RIPOR3: variants seen among roughly 807,000 people sequenced by gnomAD.
RIPOR3 encodes the protein family with sequence similarity 65 member C.
RIPOR3 carries 95 observed loss-of-function variants against 114.3 expected under a neutral mutation model. The ratio of observed to expected loss-of-function variants is 0.83; its 90% confidence interval spans 0.70 to 0.99. RIPOR3 has a LOEUF of 0.99. RIPOR3 is among the 50% of genes least tolerant of loss of function. The pLI is 0.00. For missense variants in RIPOR3, 1,252 were observed against 1,266.9 expected (o/e 0.99, Z 0.18); for synonymous variants, 575 against 543.8 (o/e 1.06, Z -0.80).
chr20:50,631,715 C>A (rs1221485267), intron 1 of RIPOR3, among the ~76,000 whole-genome samples: 4 of 152,210 alleles, frequency 2.6e-5, no homozygotes, highest in African/African-American at 9.6e-5. Flanking sequence ...TCCGACCCGC[C>A]CTGCAATGGG....
At chr20:50,644,161 A>C (rs1227383267) in intron 1 of RIPOR3, among the ~76,000 whole-genome samples, 1 of 152,020 alleles carries the variant, frequency 6.6e-6, no homozygotes, top group Non-Finnish European at 1.5e-5. Flanking sequence ...AATGTCCCTT[A>C]GTTTGTCACT....
intron 3 of RIPOR3, among the ~76,000 whole-genome samples, chr20:50,619,721 T>C (rs2084326527): frequency 6.6e-6 from 1 of 152,216 alleles, no homozygotes; most frequent in Non-Finnish European, 1.5e-5. Flanking sequence ...GCTTCTTGAT[T>C]GATTGCATTG....
rs561100404 is a variant in RIPOR3, at chr20:50,663,043, G to A, written c.3+28083C>T. On this transcript the variant is annotated intron_variant, in intron 1 of 21. Transcript: ENST00000327979. ...ACCGGGGAGGTGGAGGTTGCAGTGG[G>A]CCAAGATCTCACCACTGTACTCCAG... Among the ~76,000 whole-genome samples, 4 of 149,294 alleles carry A rather than the reference G, an allele frequency of 2.7e-5. No homozygotes were observed. The South Asian group carries it at 8.5e-4, about 32-fold the overall frequency.
chr20:50,635,229 G>A (rs1007090875), intron 1 of RIPOR3, among the ~76,000 whole-genome samples: 2 of 152,186 alleles, frequency 1.3e-5, no homozygotes, highest in Non-Finnish European at 2.9e-5. Flanking sequence ...AGGATGATGG[G>A]TGGCCCTGCC....
chr20:50,597,767 G>A (rs1390601689), intron 13 of RIPOR3, 57 bp from the exon 14 acceptor site: 1 of 1,586,742 alleles, frequency 6.3e-7, no homozygotes, highest in East Asian at 2.3e-5. Flanking sequence ...ACCCGACTGG[G>A]ACACTGGCCA....
intron 2 of RIPOR3, among the ~76,000 whole-genome samples, chr20:50,630,018 A>G (rs969543084): frequency 7.0e-6 from 1 of 142,108 alleles, no homozygotes; most frequent in Non-Finnish European, 1.5e-5. Flanking sequence ...CCCAGGCTGG[A>G]GTGCAGTGGT....
Position 50,594,988 on chromosome 20 carries a change from G to A in RIPOR3, c.2051-274C>T, listed in dbSNP as rs562447067. On this transcript the variant is annotated intron_variant, in intron 16 of 21. Coordinates refer to ENST00000327979, the MANE Select transcript of RIPOR3 (RefSeq NM_001290268.2). ...GACAAGGAACCTGGCCTTCTGAGGG[G>A]AGGTCCCACGGGGCAGAGGCACAGC... 11 of 507,050 alleles carry A rather than the reference G, an allele frequency of 2.2e-5. No homozygotes were observed. In the South Asian group the frequency reaches 2.8e-4, roughly 13 times the overall value. 31.4% of individuals were successfully genotyped at this position (507,050 alleles called of 1,614,324 possible). A position where few individuals can be genotyped will look rare whatever the true frequency, so the allele number is the denominator to read the frequency against.
intron 1 of RIPOR3, among the ~76,000 whole-genome samples, chr20:50,675,957 T>A (rs1486578170): frequency 1.3e-5 from 2 of 152,124 alleles, no homozygotes; most frequent in East Asian, 3.9e-4. Flanking sequence ...ATCCCAGAAA[T>A]CATTCCTGGG....
intron 1 of RIPOR3, among the ~76,000 whole-genome samples, chr20:50,641,366 C>T (rs567136798): frequency 2.6e-4 from 40 of 152,176 alleles, no homozygotes; most frequent in African/African-American, 9.4e-4. Flanking sequence ...AGGTATGTGC[C>T]ACTGCACCCG....
intron 1 of RIPOR3, among the ~76,000 whole-genome samples, chr20:50,656,998 G>A (rs1483295251): frequency 4.6e-5 from 7 of 152,218 alleles, no homozygotes. Context: ...AAGTTAAATT[G>A]TTGGTCAAAT....
intron 2 of RIPOR3, chr20:50,620,940 T>C: frequency 1.9e-6 from 1 of 532,768 alleles, no homozygotes; most frequent in South Asian, 1.7e-5. Context: ...ATGGAGTTAC[T>C]GAAGGTCTCC....
At chr20:50,655,879 T>C (rs2085793077) in intron 1 of RIPOR3, among the ~76,000 whole-genome samples, 1 of 151,988 alleles carries the variant, frequency 6.6e-6, no homozygotes, top group Non-Finnish European at 1.5e-5. Flanking sequence ...TTTCTTTCCC[T>C]TTTTATCTAG....
intron 1 of RIPOR3, among the ~76,000 whole-genome samples, chr20:50,687,489 TG>T (rs1301882243): frequency 1.3e-5 from 2 of 152,230 alleles, no homozygotes; most frequent in African/African-American, 4.8e-5. Context: ...AGTGGTATGC[TG>T]GCAAAGGTTT....
chr20:50,640,364 C>G (rs1432311607), intron 1 of RIPOR3, among the ~76,000 whole-genome samples: 2 of 150,932 alleles, frequency 1.3e-5, no homozygotes, highest in African/African-American at 4.9e-5. Context: ...TGCCTGAGAC[C>G]TGCCTTCATT....
At chr20:50,615,174 G>A (rs2084122776) in intron 4 of RIPOR3, among the ~76,000 whole-genome samples, 1 of 147,838 alleles carries the variant, frequency 6.8e-6, no homozygotes, top group African/African-American at 2.5e-5. Flanking sequence ...CTAAGGGAGA[G>A]GCAAAAAACC....
chr20:50,660,234 G>C (rs576660455), intron 1 of RIPOR3: 1 of 152,142 alleles, frequency 6.6e-6, no homozygotes, highest in Non-Finnish European at 1.5e-5. Flanking sequence ...TCCATTTTGT[G>C]TTGCTATAAA....
At chr20:50,684,450 A>G (rs2123626770) in intron 1 of RIPOR3, among the ~76,000 whole-genome samples, 1 of 152,356 alleles carries the variant, frequency 6.6e-6, no homozygotes, top group East Asian at 1.9e-4. Context: ...ATAAGGTTAG[A>G]GAGGCCTGGG....
At chr20:50,651,022 A>G (rs2085583760) in intron 1 of RIPOR3, among the ~76,000 whole-genome samples, 1 of 151,560 alleles carries the variant, frequency 6.6e-6, no homozygotes, top group Non-Finnish European at 1.5e-5. Flanking sequence ...CCTAGACTGG[A>G]GTGCAGTGGC....
intron 3 of RIPOR3, among the ~76,000 whole-genome samples, chr20:50,618,936 C>T (rs1015473212): frequency 2.6e-5 from 4 of 152,090 alleles, no homozygotes; most frequent in East Asian, 1.9e-4. Flanking sequence ...ATTGGCTGGG[C>T]GCGGTAGCTC....
Sources: allele counts gnomAD v4.1 joint callset (sites outside exome capture counted in the v4.1 genomes callset), GRCh38; gene constraint gnomAD v4.1.1; transcripts MANE v1.5; gene names NCBI Gene and HGNC (gene_info 2026-07-23, HGNC 2026-07-21).